The following ESR2 variants were observed in gnomAD, a reference collection of about 807,000 sequenced individuals.
ESR2 encodes estrogen receptor beta.
A neutral mutation model predicts 49.6 loss-of-function variants in ESR2; 36 were observed. That is an observed-to-expected ratio of 0.73 (90% CI 0.56 to 0.96). The LOEUF is 0.96. ESR2 is among the 40% of genes least tolerant of loss of function. The pLI is 0.00. For synonymous variants in ESR2, 320 were observed against 266.1 expected (o/e 1.20, Z -1.97); for missense variants, 714 against 693.0 (o/e 1.03, Z -0.34).
chr14:64,299,300 A>G (rs1169911678), upstream of ESR2, among the ~76,000 whole-genome samples: 1 of 151,980 alleles, frequency 6.6e-6, no homozygotes, highest in Non-Finnish European at 1.5e-5. Flanking sequence ...AACATTTTCA[A>G]TTTCTTTGTT....
intron 3 of ESR2, among the ~76,000 whole-genome samples, chr14:64,270,551 C>A (rs1054603005): frequency 6.6e-6 from 1 of 152,106 alleles, no homozygotes; most frequent in East Asian, 1.9e-4. Flanking sequence ...TCCTCTGTTG[C>A]CTAGGTTAGA....
chr14:64,326,201 C>T (rs2077388012), intron 1 of ESR2, among the ~76,000 whole-genome samples: 1 of 152,108 alleles, frequency 6.6e-6, no homozygotes, highest in African/African-American at 2.4e-5. Flanking sequence ...TTTACTTCCT[C>T]AGCAATATTT....
At chr14:64,285,312 G>A (rs765308613) in intron 1 of ESR2, among the ~76,000 whole-genome samples, 13 of 152,096 alleles carry the variant, frequency 8.5e-5, no homozygotes, top group Non-Finnish European at 1.0e-4. Context: ...AGCATTCAAG[G>A]GATGCCACTA....
At position 64,285,040 on chromosome 14, in the gene ESR2, G is replaced by A. The variant is rs1179148606; in HGVS notation, c.-90-1965C>T. Among the ~76,000 whole-genome samples the A allele has an allele frequency of 7.9e-5, 12 of 151,694 alleles. 1 individual carries two copies. In the South Asian group the frequency reaches 1.3e-3, roughly 16 times the overall value. ...AACTTTTTGTATTTTTAGTAGAGAC[G>A]GCGTTTCACCATGTTGGCCAGGCTC... On this transcript the variant is annotated intron_variant, in intron 1 of 8. Coordinates refer to ENST00000341099, the MANE Select transcript of ESR2 (RefSeq NM_001437.3).
In ESR2 at chr14:64,270,976, C is replaced by A. The variant is rs1004641863; in HGVS notation, c.536-2065G>T. On this transcript the variant is annotated intron_variant, in intron 3 of 8. Transcript: ENST00000341099. ...CAAAGAAGATGTATATGAAGTACAA[C>A]GATGTTTTTCAAGCTTTCTAAGGCT... 4.6e-5 allele frequency among the ~76,000 whole-genome samples: 7 copies of A among 152,298 alleles called. No individual in the cohort carries two copies. The East Asian group carries it at 1.3e-3, about 29-fold the overall frequency.
At chr14:64,327,850 C>G (rs1481336418) in intron 1 of ESR2, among the ~76,000 whole-genome samples, 1 of 151,662 alleles carries the variant, frequency 6.6e-6, no homozygotes, top group African/African-American at 2.4e-5. Flanking sequence ...GCCTGGGCAA[C>G]AGAGCAAGCC....
At chr14:64,244,403 A>G (rs1312131577) in intron 7 of ESR2, among the ~76,000 whole-genome samples, 2 of 151,782 alleles carry the variant, frequency 1.3e-5, no homozygotes, top group African/African-American at 4.8e-5. Context: ...TCATCTCAAA[A>G]AAAAAAAAAA....
At chr14:64,275,973 C>T (rs912106558) in intron 3 of ESR2, among the ~76,000 whole-genome samples, 85 of 151,810 alleles carry the variant, frequency 5.6e-4, no homozygotes, top group African/African-American at 1.9e-3. Flanking sequence ...AGAAAATTAA[C>T]GAGAGATAAA....
At chr14:64,296,043 CA>C (rs34335763), upstream of ESR2, among the ~76,000 whole-genome samples, 650 of 89,208 alleles carry the variant, frequency 7.3e-3, 2 homozygotes, top group Middle Eastern at 0.022. Flanking sequence ...GACTCTGTCT[CA>C]AAAAAAAAAA....
At chr14:64,260,112 T>A in intron 5 of ESR2, 1 of 516,974 alleles carries the variant, frequency 1.9e-6, no homozygotes, top group Non-Finnish European at 3.8e-6. Context: ...CAGGATAGGG[T>A]TTGTGCAAGG....
chr14:64,289,002 A>G (rs970347757), intron 1 of ESR2, among the ~76,000 whole-genome samples: 22 of 151,636 alleles, frequency 1.5e-4, no homozygotes, highest in Non-Finnish European at 3.1e-4. Context: ...AAAAAAAAAA[A>G]AAAAGGTCAG....
rs528153796 is a variant in ESR2 at position 64,292,587 on chromosome 14, A to G, written c.-91+1446T>C. On this transcript the variant is annotated intron_variant, in intron 1 of 8. Transcript: ENST00000341099. ...TCAAGGTTTCTAGATGTATTATCAA[A>G]AACTTATCATTAAACACTTTGAGTT... Among the ~76,000 whole-genome samples, 170 of 152,314 alleles carry G rather than the reference A, an allele frequency of 1.1e-3. 1 individual carries two copies. Among genetic ancestry groups the G allele is most frequent in the Non-Finnish European group, 2.3e-3 (154 of 68,034 alleles).
intron 8 of ESR2, 200 bp downstream of exon 8, chr14:64,234,769 TG>T (rs2098730801): frequency 8.3e-7 from 1 of 1,206,296 alleles, no homozygotes; most frequent in African/African-American, 1.5e-5. Flanking sequence ...ATGCAGAGCC[TG>T]TAAGATACCA....
At chr14:64,228,085 C>A, downstream of ESR2, 2 of 1,355,694 alleles carry the variant, frequency 1.5e-6, no homozygotes, top group African/African-American at 1.5e-5. Flanking sequence ...GATTAGCTGA[C>A]TAAAGATGAA....
intron 1 of ESR2, among the ~76,000 whole-genome samples, chr14:64,308,379 C>G (rs1274734441): frequency 1.3e-5 from 2 of 152,156 alleles, no homozygotes; most frequent in Non-Finnish European, 2.9e-5. Flanking sequence ...TTGTATCTCA[C>G]AAGTTTTATT....
intron 3 of ESR2, among the ~76,000 whole-genome samples, chr14:64,278,171 T>C (rs1354450227): frequency 2.0e-5 from 3 of 152,240 alleles, no homozygotes; most frequent in African/African-American, 4.8e-5. Context: ...TATAATCTAC[T>C]GTTAAGATTG....
intron 1 of ESR2, chr14:64,301,327 G>T (rs1475731455): frequency 2.6e-5 from 4 of 152,174 alleles, no homozygotes; most frequent in Admixed American, 6.5e-5. Flanking sequence ...GCATGTTTGG[G>T]TTCTTCTGAG....
upstream of ESR2, among the ~76,000 whole-genome samples, chr14:64,298,190 T>C (rs951623823): frequency 2.0e-5 from 3 of 152,222 alleles, no homozygotes; most frequent in African/African-American, 7.2e-5. Flanking sequence ...CTAATATTTA[T>C]TGAGCATTTT....
upstream of ESR2, chr14:64,297,435 A>C (rs1214603486): frequency 6.6e-6 from 1 of 152,148 alleles, no homozygotes; most frequent in Non-Finnish European, 1.5e-5. Flanking sequence ...CTGTCTAGCA[A>C]AGTCTTACAC....
Sources: allele counts gnomAD v4.1 joint callset (sites outside exome capture counted in the v4.1 genomes callset), GRCh38; gene constraint gnomAD v4.1.1; transcripts MANE v1.5; gene names NCBI Gene and HGNC (gene_info 2026-07-23, HGNC 2026-07-21).